TRPM3: variants seen among roughly 807,000 people sequenced by gnomAD.
TRPM3 encodes long transient receptor potential channel 3.
In TRPM3, 77 loss-of-function variants were observed where a neutral mutation model predicts 181.2. That is an observed-to-expected ratio of 0.42 (90% CI 0.35 to 0.51). TRPM3 has a LOEUF of 0.51. Among genes scored for constraint, TRPM3 ranks in the 20% least tolerant of loss-of-function variants. TRPM3 has a pLI of 0.01. For synonymous variants in TRPM3, 745 were observed against 796.4 expected (o/e 0.94, Z 1.09); for missense variants, 1,759 against 2,196.7 (o/e 0.80, Z 3.98).
intron 1 of TRPM3, among the ~76,000 whole-genome samples, chr9:70,922,856 A>G (rs1224130465): frequency 6.6e-6 from 1 of 152,042 alleles, no homozygotes; most frequent in Non-Finnish European, 1.5e-5. Context: ...TCAAAAGGAG[A>G]TTTTGCAGGT....
chr9:71,085,422 A>G (rs1565161258), intron 1 of TRPM3, among the ~76,000 whole-genome samples: 1 of 152,078 alleles, frequency 6.6e-6, no homozygotes, highest in Non-Finnish European at 1.5e-5. Flanking sequence ...AGCAAATGAA[A>G]CTATTAAACA....
chr9:70,553,555 G>C lies in TRPM3; in HGVS notation c.3224-245C>G, dbSNP rs568207289. ...CAAGTTATCACCTGACCAGAAGAGG[G>C]GGGTGGAGCCACCTTCTTGCTCACA... On this transcript the variant is annotated intron_variant, in intron 22 of 25. Transcript: ENST00000677713. 1.9e-3 allele frequency among the ~76,000 whole-genome samples: 288 copies of C among 152,252 alleles called. 1 individual carries two copies. The highest frequency in any genetic ancestry group is 3.5e-3 in the Non-Finnish European group (235 of 68,008).
intron 1 of TRPM3, among the ~76,000 whole-genome samples, chr9:71,144,849 T>G (rs1459591364): frequency 6.6e-6 from 1 of 152,190 alleles, no homozygotes; most frequent in South Asian, 2.1e-4. Flanking sequence ...TGAACAGCAT[T>G]GGTGTTTTTA....
intron 1 of TRPM3, among the ~76,000 whole-genome samples, chr9:71,441,656 C>T (rs781538398): frequency 7.5e-4 from 97 of 129,900 alleles, no homozygotes; most frequent in Non-Finnish European, 1.4e-3. Context: ...TTTTCTGAGA[C>T]GGAGTTTTAC....
intron 5 of TRPM3, among the ~76,000 whole-genome samples, chr9:70,841,629 T>TATATAC (rs1295089542): frequency 1.3e-4 from 7 of 53,020 alleles, no homozygotes; most frequent in African/African-American, 7.9e-4. Flanking sequence ...TCCCACTATA[T>TATATAC]ATATATATAT....
chr9:71,246,684 T>C (rs1464654758), intron 1 of TRPM3, among the ~76,000 whole-genome samples: 1 of 152,232 alleles, frequency 6.6e-6, no homozygotes, highest in Non-Finnish European at 1.5e-5. Context: ...TTTTAGGATA[T>C]GAATAATAAC....
At chr9:71,356,059 G>C (rs1341389849) in intron 1 of TRPM3, among the ~76,000 whole-genome samples, 1 of 152,100 alleles carries the variant, frequency 6.6e-6, no homozygotes, top group East Asian at 1.9e-4. Flanking sequence ...CCCAAATCAT[G>C]AAACTTCAGG....
intron 1 of TRPM3, among the ~76,000 whole-genome samples, chr9:71,091,775 A>G (rs1179264659): frequency 1.3e-5 from 2 of 152,084 alleles, no homozygotes; most frequent in African/African-American, 4.8e-5. Flanking sequence ...GATAAAGAAA[A>G]TCAATGATAT....
chr9:71,235,658 T>G (rs2081316036), intron 1 of TRPM3, among the ~76,000 whole-genome samples: 1 of 152,212 alleles, frequency 6.6e-6, no homozygotes, highest in African/African-American at 2.4e-5. Flanking sequence ...GTAAATTGCT[T>G]TAATTAAATT....
In TRPM3 at chr9:70,892,769, A is replaced by G. The variant is rs550317020; in HGVS notation, c.178-28258T>C. On this transcript the variant is annotated intron_variant, in intron 1 of 25. Transcript: ENST00000677713. ...TAATTCTCAATCAATACTTTAATGTATGTGGTTAAAATGTAAGTGGTTAAA... is the reference window on the plus strand; with the variant it reads ...TAATTCTCAATCAATACTTTAATGTGTGTGGTTAAAATGTAAGTGGTTAAA... 3.9e-5 allele frequency among the ~76,000 whole-genome samples: 6 copies of G among 152,316 alleles called. No individual in the cohort carries two copies. In the South Asian group the frequency reaches 1.2e-3, roughly 32 times the overall value.
At chr9:71,315,473 T>A (rs2088483667) in intron 1 of TRPM3, among the ~76,000 whole-genome samples, 1 of 152,164 alleles carries the variant, frequency 6.6e-6, no homozygotes, top group Admixed American at 6.6e-5. Flanking sequence ...ATCTTTCTAC[T>A]CTGTCTAGAT....
intron 1 of TRPM3, among the ~76,000 whole-genome samples, chr9:71,313,769 A>T (rs535683926): frequency 6.6e-6 from 1 of 152,158 alleles, no homozygotes; most frequent in Non-Finnish European, 1.5e-5. Flanking sequence ...TTATTTCCTC[A>T]TTGGTCACTT....
At chr9:71,315,457 G>C (rs999952588) in intron 1 of TRPM3, among the ~76,000 whole-genome samples, 1 of 151,982 alleles carries the variant, frequency 6.6e-6, no homozygotes, top group Non-Finnish European at 1.5e-5. Context: ...CCCATGACAC[G>C]AACTTATCTT....
intron 6 of TRPM3, among the ~76,000 whole-genome samples, chr9:70,799,928 A>G (rs2088410068): frequency 6.6e-6 from 1 of 152,170 alleles, no homozygotes; most frequent in African/African-American, 2.4e-5. Flanking sequence ...CAATTTGAAG[A>G]CTTGATACTT....
intron 1 of TRPM3, among the ~76,000 whole-genome samples, chr9:71,385,297 A>G (rs912355763): frequency 5.1e-4 from 77 of 152,366 alleles, no homozygotes; most frequent in African/African-American, 1.8e-3. Context: ...ATAACTATTT[A>G]GAAAAAAGAA....
intron 5 of TRPM3, among the ~76,000 whole-genome samples, chr9:70,830,434 A>T (rs1430873277): frequency 6.6e-6 from 1 of 152,164 alleles, no homozygotes; most frequent in Non-Finnish European, 1.5e-5. Flanking sequence ...GGAATACTGC[A>T]CATCTGAATT....
chr9:70,805,022 G>A (rs533776330), intron 6 of TRPM3, among the ~76,000 whole-genome samples: 1 of 152,236 alleles, frequency 6.6e-6, no homozygotes, highest in African/African-American at 2.4e-5. Context: ...TTTAGCATGG[G>A]AGTACCAGAG....
intron 1 of TRPM3, among the ~76,000 whole-genome samples, chr9:70,892,096 GA>G (rs2096213147): frequency 6.6e-6 from 1 of 152,202 alleles, no homozygotes; most frequent in African/African-American, 2.4e-5. Flanking sequence ...AGGGAAAAAG[GA>G]AAGAGATACT....
chr9:70,825,618 T>C (rs1428708735), intron 6 of TRPM3: 1 of 152,338 alleles, frequency 6.6e-6, no homozygotes, highest in Non-Finnish European at 1.5e-5. Flanking sequence ...TCCTCCAGCA[T>C]TCCTGACATG....
Sources: gnomAD v4.1 joint callset for allele counts (sites outside exome capture counted in the v4.1 genomes callset) on GRCh38, gnomAD v4.1.1 for gene constraint, MANE v1.5 for transcripts, NCBI Gene and HGNC (gene_info 2026-07-23, HGNC 2026-07-21) for gene names.